ZNF521: variants seen among roughly 807,000 people sequenced by gnomAD.
ZNF521 encodes LYST-interacting protein 3.
In ZNF521, 14 loss-of-function variants were observed where a neutral mutation model predicts 105.5. The observed-to-expected ratio is 0.13, with a 90% confidence interval of 0.09 to 0.21. The LOEUF is 0.21. ZNF521 is among the 10% of genes least tolerant of loss of function. ZNF521 has a pLI of 1.00. For synonymous variants in ZNF521, 635 were observed against 606.0 expected (o/e 1.05, Z -0.70); for missense variants, 1,233 against 1,629.7 (o/e 0.76, Z 4.19).
intron 2 of ZNF521, among the ~76,000 whole-genome samples, chr18:25,336,886 A>G (rs1302119659): frequency 1.3e-5 from 2 of 152,244 alleles, no homozygotes; most frequent in East Asian, 3.9e-4. Context: ...GGCACTTCAT[A>G]TCTACCAGAC....
At chr18:25,305,319 C>A (rs960136385) in intron 3 of ZNF521, among the ~76,000 whole-genome samples, 1 of 152,110 alleles carries the variant, frequency 6.6e-6, no homozygotes, top group Non-Finnish European at 1.5e-5. Flanking sequence ...AACGAGAAAT[C>A]TTTTAAAACC....
intron 5 of ZNF521, among the ~76,000 whole-genome samples, chr18:25,135,718 A>G (rs2144412066): frequency 6.6e-6 from 1 of 152,296 alleles, no homozygotes; most frequent in African/African-American, 2.4e-5. Flanking sequence ...CAGAGGACCT[A>G]GCTGATTGGA....
intron 7 of ZNF521, among the ~76,000 whole-genome samples, chr18:25,072,731 C>T (rs372717002): frequency 6.6e-6 from 1 of 152,146 alleles, no homozygotes; most frequent in African/African-American, 2.4e-5. Flanking sequence ...AGATTTCACT[C>T]AAGATTCTGG....
intron 3 of ZNF521, among the ~76,000 whole-genome samples, chr18:25,240,222 A>G (rs1383334808): frequency 6.6e-6 from 1 of 152,090 alleles, no homozygotes; most frequent in African/African-American, 2.4e-5. Flanking sequence ...CTCCCCCATC[A>G]GAGTAAGAAG....
intron 5 of ZNF521, among the ~76,000 whole-genome samples, chr18:25,138,865 C>T (rs544758286): frequency 3.3e-5 from 5 of 152,148 alleles, no homozygotes; most frequent in South Asian, 4.1e-4. Context: ...GCTCTACCCA[C>T]GAACACTGCC....
At chr18:25,141,776 C>G (rs1350419994) in intron 5 of ZNF521, among the ~76,000 whole-genome samples, 1 of 152,098 alleles carries the variant, frequency 6.6e-6, no homozygotes, top group African/African-American at 2.4e-5. Flanking sequence ...CCATGCTCAG[C>G]TTTTTCGGCA....
At chr18:25,121,915 C>T (rs1174231139) in intron 5 of ZNF521, among the ~76,000 whole-genome samples, 1 of 152,080 alleles carries the variant, frequency 6.6e-6, no homozygotes, top group African/African-American at 2.4e-5. Context: ...CAATGTCTGG[C>T]ATCCAATGAA....
At chr18:25,252,404 T>A (rs1908182449) in intron 3 of ZNF521, among the ~76,000 whole-genome samples, 2 of 152,176 alleles carry the variant, frequency 1.3e-5, no homozygotes, top group Non-Finnish European at 2.9e-5. Flanking sequence ...CACAGTTAAA[T>A]GTGTCTACAA....
At chr18:25,349,134 G>A (rs1437986975) in intron 2 of ZNF521, among the ~76,000 whole-genome samples, 3 of 151,796 alleles carry the variant, frequency 2.0e-5, no homozygotes, top group Non-Finnish European at 1.5e-5. Context: ...CCTTTCCACC[G>A]GACAGGCACT....
chr18:25,349,943 G>T (rs1318660991), intron 2 of ZNF521, among the ~76,000 whole-genome samples: 1 of 151,128 alleles, frequency 6.6e-6, no homozygotes, highest in African/African-American at 2.4e-5. Context: ...CGCCCTCCCC[G>T]CTCTCCGCCT....
chr18:25,288,073 C>T (rs1243244410), intron 3 of ZNF521, among the ~76,000 whole-genome samples: 1 of 151,640 alleles, frequency 6.6e-6, no homozygotes, highest in East Asian at 1.9e-4. Flanking sequence ...AGTTGTAAAC[C>T]TGATAGGTGA....
At chr18:25,243,639 G>A (rs1465305473) in intron 3 of ZNF521, among the ~76,000 whole-genome samples, 1 of 152,194 alleles carries the variant, frequency 6.6e-6, no homozygotes, top group East Asian at 1.9e-4. Flanking sequence ...TTCCTCAGAA[G>A]ATTGCTTAGA....
chr18:25,326,759 T>A (rs1243652993), intron 2 of ZNF521, among the ~76,000 whole-genome samples: 1 of 152,164 alleles, frequency 6.6e-6, no homozygotes, highest in South Asian at 2.1e-4. Context: ...AAACACAAGA[T>A]TCTGAGGATG....
chr18:25,128,742 T>A (rs1453120923), intron 5 of ZNF521, among the ~76,000 whole-genome samples: 6 of 152,006 alleles, frequency 3.9e-5, no homozygotes, highest in Admixed American at 3.9e-4. Flanking sequence ...ATAGACCTAA[T>A]GATATATGTA....
intron 5 of ZNF521, among the ~76,000 whole-genome samples, chr18:25,110,327 G>A (rs987718375): frequency 1.3e-5 from 2 of 152,174 alleles, no homozygotes; most frequent in Admixed American, 6.5e-5. Context: ...GTGGGCCTGC[G>A]CCTTGGGTCC....
intron 5 of ZNF521, among the ~76,000 whole-genome samples, chr18:25,121,231 C>T (rs1443861564): frequency 2.0e-5 from 3 of 149,736 alleles, no homozygotes; most frequent in African/African-American, 4.9e-5. Flanking sequence ...CCTGCCTCAG[C>T]CTCCCGAGTA....
intron 3 of ZNF521, among the ~76,000 whole-genome samples, chr18:25,313,908 T>TA (rs1314778199): frequency 6.6e-6 from 1 of 151,782 alleles, no homozygotes; most frequent in Non-Finnish European, 1.5e-5. Flanking sequence ...TGAAGTAGGC[T>TA]AAAAAAAGAC....
chr18:25,160,175 A>C (rs185579643), intron 5 of ZNF521, among the ~76,000 whole-genome samples: 1 of 152,128 alleles, frequency 6.6e-6, no homozygotes, highest in Non-Finnish European at 1.5e-5. Context: ...TTACTACTCT[A>C]TTCGTCTTTA....
In ZNF521 at chr18:25,308,659, C is replaced by T. The variant is rs111743687; in HGVS notation, c.220+13349G>A. Among the ~76,000 whole-genome samples, 540 of 145,094 alleles carry T rather than the reference C, an allele frequency of 3.7e-3. 15 individuals carry two copies. The highest frequency in any genetic ancestry group is 0.015 in the East Asian group (75 of 4,996). The stretch of plus-strand genomic sequence containing the variant: ...TTGGCCTTAATGACATCCCCCCCCC[C>T]CCACCCGCCACAGCCCCTCCAAAAT... On this transcript the variant is annotated intron_variant, in intron 3 of 7. Coordinates refer to ENST00000361524, the MANE Select transcript of ZNF521 (RefSeq NM_015461.3).
Sources: allele counts gnomAD v4.1 joint callset (sites outside exome capture counted in the v4.1 genomes callset), GRCh38; gene constraint gnomAD v4.1.1; transcripts MANE v1.5; gene names NCBI Gene and HGNC (gene_info 2026-07-23, HGNC 2026-07-21).